The following FNBP1 variants were observed in gnomAD, a reference collection of about 807,000 sequenced individuals.
The protein encoded by FNBP1 is formin-binding protein 1.
Under a neutral mutation model 90.6 loss-of-function variants are expected in FNBP1, and 26 were observed. That is an observed-to-expected ratio of 0.29 (90% CI 0.21 to 0.40). FNBP1 has a LOEUF of 0.40. Among genes scored for constraint, FNBP1 ranks in the 10% least tolerant of loss-of-function variants. The probability of loss-of-function intolerance (pLI) is 1.00; values close to 1 mark genes in which losing one functional copy is unlikely to be tolerated. For missense variants in FNBP1, 635 were observed against 768.0 expected, an observed-to-expected ratio of 0.83 and a Z score of 2.05; for synonymous variants, 260 against 265.2, an observed-to-expected ratio of 0.98 and a Z score of 0.19.
At chr9:129,896,462 C>T (rs578198306) in intron 15 of FNBP1, among the ~76,000 whole-genome samples, 11 of 152,014 alleles carry the variant, frequency 7.2e-5, no homozygotes, top group Admixed American at 3.3e-4. Flanking sequence ...CAACTCACTG[C>T]AACCTCCACC....
intron 1 of FNBP1, among the ~76,000 whole-genome samples, chr9:130,007,030 T>C (rs985599843): frequency 1.3e-5 from 2 of 151,598 alleles, no homozygotes; most frequent in Non-Finnish European, 2.9e-5. Context: ...GCCCAGGAGT[T>C]TGAGACCAGC....
At chr9:129,894,499 A>AAAC (rs772118334) in intron 16 of FNBP1, among the ~76,000 whole-genome samples, 2 of 152,172 alleles carry the variant, frequency 1.3e-5, no homozygotes, top group Admixed American at 1.3e-4. Context: ...AACAAAACAA[A>AAAC]AACAACAACA....
intron 6 of FNBP1, among the ~76,000 whole-genome samples, chr9:129,948,417 T>A (rs2045674094): frequency 1.6e-5 from 2 of 125,042 alleles, no homozygotes; most frequent in South Asian, 5.6e-4. Flanking sequence ...CAGGCTGGAG[T>A]GCAGTGGCGT....
chr9:129,941,345 CGTCATTGCACTCCAGCCTGG>C (rs2044296210), intron 6 of FNBP1, among the ~76,000 whole-genome samples: 1 of 152,040 alleles, frequency 6.6e-6, no homozygotes. Flanking sequence ...GCCAAGACTG[CGTCATTGCACTCCAGCCTGG>C]GCAACAGAGC....
intron 15 of FNBP1, among the ~76,000 whole-genome samples, chr9:129,899,435 G>C (rs942872777): frequency 1.3e-5 from 2 of 152,052 alleles, no homozygotes; most frequent in Non-Finnish European, 2.9e-5. Flanking sequence ...GTGTGGCTAG[G>C]CACAGTGGCT....
intron 4 of FNBP1, among the ~76,000 whole-genome samples, chr9:129,961,349 A>G (rs543502412): frequency 3.8e-4 from 58 of 152,156 alleles, no homozygotes; most frequent in African/African-American, 1.4e-3. Flanking sequence ...AAACAAGTAG[A>G]GAGACTAATA....
intron 1 of FNBP1, among the ~76,000 whole-genome samples, chr9:130,011,299 C>T (rs2131678088): frequency 8.1e-6 from 1 of 123,366 alleles, no homozygotes; most frequent in East Asian, 2.4e-4. Flanking sequence ...CTTATAACAG[C>T]ATGAAGAATT....
intron 2 of FNBP1, among the ~76,000 whole-genome samples, chr9:129,981,292 T>C (rs1188706452): frequency 6.6e-6 from 1 of 152,056 alleles, no homozygotes; most frequent in Non-Finnish European, 1.5e-5. Context: ...TTTCACCACG[T>C]TGGCCAGGCT....
intron 4 of FNBP1, among the ~76,000 whole-genome samples, chr9:129,963,708 G>A (rs1450365797): frequency 2.7e-5 from 4 of 149,926 alleles, no homozygotes; most frequent in African/African-American, 9.8e-5. Flanking sequence ...TCCGCCTCCT[G>A]GGTTCAAGCA....
intron 4 of FNBP1, among the ~76,000 whole-genome samples, chr9:129,967,617 A>G (rs1010624034): frequency 2.6e-5 from 4 of 152,184 alleles, no homozygotes; most frequent in Non-Finnish European, 5.9e-5. Flanking sequence ...TCTGCTGACA[A>G]AGGTGCAATG....
chr9:129,906,595 C>T (rs1297302490), intron 12 of FNBP1, among the ~76,000 whole-genome samples: 1 of 152,184 alleles, frequency 6.6e-6, no homozygotes, highest in Non-Finnish European at 1.5e-5. Context: ...GATTGTGAGG[C>T]CTCCCTATCC....
the FNBP1 span, among the ~76,000 whole-genome samples, chr9:130,049,575 C>T: frequency 5.3e-3 from 797 of 151,684 alleles, 12 homozygotes; most frequent in African/African-American, 0.018. Flanking sequence ...TAGCCCGGCA[C>T]GGTTGTGCTT....
At chr9:129,923,771 C>A in intron 10 of FNBP1, 73 bp downstream of exon 10, 1 of 1,399,838 alleles carries the variant, frequency 7.1e-7, no homozygotes, top group East Asian at 3.1e-5. Context: ...CATTCACAAA[C>A]AAAATTAGTT....
In FNBP1 at chr9:129,895,919, T is replaced by C; in HGVS notation, c.1765A>G (p.Thr589Ala). ...TCATCTTCATTTCTCCGAATGCGGG[T>C]CCAGCCATCGCCTTTGTCTTCCTCT... ...VIEEDKGDGW[T>A]RIRRNEDEEG... The change falls in exon 16 of 17, where the codon ACC (threonine) becomes GCC (alanine). Residue 589 changes from threonine to alanine, a missense_variant. Physicochemically the swap from Thr to Ala is moderately conservative, Grantham distance 58. Coordinates refer to ENST00000446176, the MANE Select transcript of FNBP1 (RefSeq NM_015033.3). 1 of 1,613,816 alleles carries C rather than the reference T, an allele frequency of 6.2e-7. No individual in the cohort carries two copies. Among genetic ancestry groups the C allele is most frequent in the Non-Finnish European group, 8.5e-7 (1 of 1,179,828 alleles).
rs1438489977 is a variant in FNBP1 at position 130,042,261 on chromosome 9, C to T, written c.24+691G>A. 1.3e-5 allele frequency among the ~76,000 whole-genome samples: 2 copies of T among 152,186 alleles called. No individual in the cohort carries two copies. The highest frequency in any genetic ancestry group is 6.5e-5 in the Admixed American group (1 of 15,274). On this transcript the variant is annotated intron_variant, in intron 1 of 16. Transcript: ENST00000446176. The surrounding 1 kb of genome is among the most constrained non-coding windows in gnomAD (Gnocchi z 5.5). Reference sequence around the variant, plus strand: ...AAGATCATTGACCCCGCGAACGCCTCTTCCTGAGGTAGATCACGTAAGATC... The same window carrying T: ...AAGATCATTGACCCCGCGAACGCCTTTTCCTGAGGTAGATCACGTAAGATC...
chr9:129,928,061 A>G lies in FNBP1; in HGVS notation c.643-720T>C, dbSNP rs377761063. 1.5e-4 allele frequency among the ~76,000 whole-genome samples: 23 copies of G among 152,340 alleles called. 1 individual carries two copies. Among genetic ancestry groups the G allele is most frequent in the African/African-American group, 2.9e-4 (12 of 41,586 alleles). On this transcript the variant is annotated intron_variant, in intron 7 of 16. Transcript: ENST00000446176. ...ATACATGCTAGTGTATCTTCCAACT[A>G]TAATTTACAAGGACTTGTTTGCTGT...
chr9:130,007,772 T>C (rs112478705), intron 1 of FNBP1, among the ~76,000 whole-genome samples: 8,275 of 152,108 alleles, frequency 0.054, 309 homozygotes, highest in Non-Finnish European at 0.082. Flanking sequence ...TCCCAACACT[T>C]TGGGAGGCCC....
chr9:129,967,620 G>A (rs2133151583), intron 4 of FNBP1, among the ~76,000 whole-genome samples: 1 of 152,278 alleles, frequency 6.6e-6, no homozygotes, highest in Non-Finnish European at 1.5e-5. Context: ...GCTGACAAAG[G>A]TGCAATGGTG....
At chr9:130,034,529 C>T (rs1457379808) in intron 1 of FNBP1, among the ~76,000 whole-genome samples, 1 of 152,160 alleles carries the variant, frequency 6.6e-6, no homozygotes, top group African/African-American at 2.4e-5. Context: ...TTCGCCAAGA[C>T]ATACTTCTGT....
Sources: allele counts gnomAD v4.1 joint callset (sites outside exome capture counted in the v4.1 genomes callset), GRCh38; gene constraint gnomAD v4.1.1; non-coding constraint Gnocchi (gnomAD v3.1); transcripts MANE v1.5; gene names NCBI Gene and HGNC (gene_info 2026-07-23, HGNC 2026-07-21).